SRGAP3: variants seen among roughly 807,000 people sequenced by gnomAD.
The protein encoded by SRGAP3 is SLIT-ROBO Rho GTPase-activating protein 3.
SRGAP3 carries 39 observed loss-of-function variants against 121.1 expected under a neutral mutation model. That is an observed-to-expected ratio of 0.32 (90% confidence interval 0.25 to 0.42). The LOEUF (loss-of-function observed/expected upper bound fraction) is 0.42. SRGAP3 is among the 10% of genes least tolerant of loss of function. SRGAP3 has a pLI of 1.00. For synonymous variants in SRGAP3, 601 were observed against 570.0 expected (o/e 1.05, Z -0.77); for missense variants, 1,213 against 1,470.6 (o/e 0.82, Z 2.86).
intron 1 of SRGAP3, among the ~76,000 whole-genome samples, chr3:9,148,440 A>T (rs1560269290): frequency 6.6e-6 from 1 of 152,188 alleles, no homozygotes; most frequent in Non-Finnish European, 1.5e-5. Flanking sequence ...TTTTCAGAAC[A>T]GTTTACTCCC....
intron 1 of SRGAP3, among the ~76,000 whole-genome samples, chr3:9,232,666 C>T (rs1953257629): frequency 6.6e-6 from 1 of 152,060 alleles, no homozygotes; most frequent in African/African-American, 2.4e-5. Flanking sequence ...TTACTATAGA[C>T]CAGGGCCAAT....
chr3:9,222,267 T>G (rs1177060799), intron 1 of SRGAP3, among the ~76,000 whole-genome samples: 1 of 152,160 alleles, frequency 6.6e-6, no homozygotes, highest in African/African-American at 2.4e-5. Flanking sequence ...GTACCAGAAA[T>G]GACTGGCTTC....
At chr3:9,215,058 T>G (rs926492997) in intron 1 of SRGAP3, among the ~76,000 whole-genome samples, 15 of 152,198 alleles carry the variant, frequency 9.9e-5, no homozygotes, top group Admixed American at 2.6e-4. Context: ...TTTACTCTAC[T>G]TATAATATCT....
chr3:9,211,736 T>C (rs1254786520), intron 1 of SRGAP3, among the ~76,000 whole-genome samples: 1 of 104,252 alleles, frequency 9.6e-6, no homozygotes, highest in Non-Finnish European at 2.1e-5. Context: ...GGCACAGTCA[T>C]GACTCACTGC....
chr3:9,110,061 C>T (rs759445341), intron 2 of SRGAP3, among the ~76,000 whole-genome samples: 5 of 152,122 alleles, frequency 3.3e-5, no homozygotes, highest in Non-Finnish European at 7.4e-5. Flanking sequence ...TAAAACTGCA[C>T]TTTCAAACTC....
intron 3 of SRGAP3, among the ~76,000 whole-genome samples, chr3:9,300,299 C>A (rs1294406412): frequency 7.4e-6 from 1 of 134,300 alleles, no homozygotes; most frequent in Non-Finnish European, 1.6e-5. Flanking sequence ...AAATATTTTT[C>A]CCCAAAACTT....
At chr3:9,349,000 C>A in intron 1 of SRGAP3, 1 of 929,520 alleles carries the variant, frequency 1.1e-6, no homozygotes, top group South Asian at 1.3e-5. Flanking sequence ...CCCATGGCAA[C>A]AGCCCCCCGG....
At chr3:9,303,799 C>T (rs1023381793) in intron 3 of SRGAP3, among the ~76,000 whole-genome samples, 8 of 152,194 alleles carry the variant, frequency 5.3e-5, no homozygotes, top group Non-Finnish European at 1.0e-4. Flanking sequence ...TTAATCCACA[C>T]AACAGCCTGT....
intron 1 of SRGAP3, among the ~76,000 whole-genome samples, chr3:9,163,291 C>T (rs956208544): frequency 1.3e-5 from 2 of 152,210 alleles, no homozygotes; most frequent in Non-Finnish European, 2.9e-5. Flanking sequence ...ACCTGCGGCT[C>T]CAAGCTAAGG....
At chr3:9,058,823 G>A (rs1394039392) in intron 6 of SRGAP3, 3 of 272,564 alleles carry the variant, frequency 1.1e-5, no homozygotes, top group East Asian at 8.8e-5. Context: ...GGGTTCAATC[G>A]ATTCTCCTGC....
chr3:9,023,792 C>T (rs971157667), intron 14 of SRGAP3, among the ~76,000 whole-genome samples: 2 of 152,138 alleles, frequency 1.3e-5, no homozygotes, highest in African/African-American at 4.8e-5. Context: ...CTCCCTGGTT[C>T]TAAGCACCCG....
chr3:9,025,696 T>C (rs1944162901), intron 13 of SRGAP3, among the ~76,000 whole-genome samples: 1 of 152,204 alleles, frequency 6.6e-6, no homozygotes, highest in South Asian at 2.1e-4. Flanking sequence ...AGTTAAATCA[T>C]TAAAGTAAAA....
intron 3 of SRGAP3, among the ~76,000 whole-genome samples, chr3:9,280,431 CCCAGCCTTCAGA>C (rs1954655459): frequency 6.6e-6 from 1 of 152,238 alleles, no homozygotes; most frequent in East Asian, 1.9e-4. Flanking sequence ...AAACTTCTGT[CCCAGCCTTCAGA>C]GCTGGGGGGC....
rs375700531 is a variant in SRGAP3 at position 9,216,671 on chromosome 3, C to T, written c.67+32214G>A. 3.9e-5 allele frequency: 6 copies of T among 152,686 alleles called. No homozygotes were observed. The East Asian group carries it at 5.8e-4, about 15-fold the overall frequency. 9.5% of individuals were successfully genotyped at this position (152,686 alleles called of 1,614,324 possible). A position where few individuals can be genotyped will look rare whatever the true frequency, so the allele number is the denominator to read the frequency against. On this transcript the variant is annotated intron_variant, in intron 1 of 21. Coordinates refer to ENST00000383836, the MANE Select transcript of SRGAP3 (RefSeq NM_014850.4). Reference sequence around the variant, plus strand: ...GGCTCCGATGTAATGGATGAGGAAACGGAGGTACTGAGGGGCCAAGTCACT... The same window carrying T: ...GGCTCCGATGTAATGGATGAGGAAATGGAGGTACTGAGGGGCCAAGTCACT...
chr3:9,194,818 A>G (rs1951869790), intron 1 of SRGAP3, among the ~76,000 whole-genome samples: 1 of 152,226 alleles, frequency 6.6e-6, no homozygotes, highest in Non-Finnish European at 1.5e-5. Flanking sequence ...TGCCATAGAG[A>G]ACACTGTGCC....
intron 1 of SRGAP3, among the ~76,000 whole-genome samples, chr3:9,353,950 TA>T (rs1251965088): frequency 6.6e-6 from 1 of 151,972 alleles, no homozygotes; most frequent in Non-Finnish European, 1.5e-5. Context: ...GGAGGAGAGG[TA>T]AAGGCCAGGA....
intron 1 of SRGAP3, among the ~76,000 whole-genome samples, chr3:9,173,190 A>C (rs933615404): frequency 2.9e-4 from 44 of 152,324 alleles, no homozygotes; most frequent in African/African-American, 1.0e-3. Flanking sequence ...AGGGCAGGAA[A>C]GCTTCAGCAG....
At chr3:9,020,527 C>G (rs1943863045) in intron 14 of SRGAP3, among the ~76,000 whole-genome samples, 1 of 152,202 alleles carries the variant, frequency 6.6e-6, no homozygotes. Context: ...TTCAAAAACA[C>G]ATGGATATTT....
chr3:8,985,506 C>T lies in SRGAP3; in HGVS notation c.*13G>A. On this transcript the variant is annotated 3_prime_UTR_variant, in exon 22 of 22. Transcript: ENST00000383836. This position sits in a 1 kb window ranked among gnomAD's most constrained non-coding sequence, Gnocchi z 5.1. ...GCCACAGCGGGCCACGGCGGCGCGG[C>T]CCATCCTGCAGGTCACATGGTGCCC... 1.3e-6 allele frequency: 2 copies of T among 1,598,348 alleles called. No individual in the cohort carries two copies. The highest frequency in any genetic ancestry group is 1.7e-6 in the Non-Finnish European group (2 of 1,179,336).
Sources: gnomAD v4.1 joint callset for allele counts (sites outside exome capture counted in the v4.1 genomes callset) on GRCh38, gnomAD v4.1.1 for gene constraint, Gnocchi (gnomAD v3.1) non-coding constraint, MANE v1.5 for transcripts, NCBI Gene and HGNC (gene_info 2026-07-23, HGNC 2026-07-21) for gene names.